XKR4: variants seen among roughly 807,000 people sequenced by gnomAD.
XKR4 encodes the protein XK related 4.
Under a neutral mutation model 53.9 loss-of-function variants are expected in XKR4, and 12 were observed. The ratio of observed to expected loss-of-function variants is 0.22; its 90% CI spans 0.14 to 0.36. XKR4 has a LOEUF of 0.36. Ranked by LOEUF, XKR4 falls within the 10% of genes least tolerant of loss-of-function variation. The pLI is 1.00. For missense variants in XKR4, 799 were observed against 859.5 expected (o/e 0.93, Z 0.88); for synonymous variants, 354 against 362.4 (o/e 0.98, Z 0.26).
rs574144790 is a variant in XKR4, at chr8:55,535,411, G to A, written c.*11184G>A. 9.5e-5 allele frequency: 12 copies of A among 126,772 alleles called. No homozygotes were observed. In the Admixed American group the frequency reaches 1.0e-3, roughly 11 times the overall value. The allele number at this position is 126,772 out of a possible 1,614,324, so 7.9% of individuals were successfully genotyped here. On this transcript the variant is annotated 3_prime_UTR_variant, in exon 3 of 3. Transcript: ENST00000327381. ...CCCACAACACTCCCCGGTGTGTGAT[G>A]TTCCCCTTCCTGTGCACGTGACTTA... is the stretch of plus-strand genomic sequence containing the variant.
intron 2 of XKR4, among the ~76,000 whole-genome samples, chr8:55,377,626 GAGA>G (rs1289587796): frequency 2.0e-5 from 3 of 152,128 alleles, no homozygotes; most frequent in Admixed American, 1.3e-4. Flanking sequence ...AAGGAAAGGA[GAGA>G]AGGAGGAAGG....
chr8:55,210,238 C>T (rs922039963), intron 1 of XKR4, among the ~76,000 whole-genome samples: 1 of 152,072 alleles, frequency 6.6e-6, no homozygotes, highest in Non-Finnish European at 1.5e-5. Flanking sequence ...GTGCTCGCCA[C>T]CACGCCTGGC....
At chr8:55,155,565 A>G (rs1816895782) in intron 1 of XKR4, among the ~76,000 whole-genome samples, 3 of 151,594 alleles carry the variant, frequency 2.0e-5, no homozygotes, top group Non-Finnish European at 4.4e-5. Flanking sequence ...AAAAAAAAAA[A>G]AGAAGTCGAG....
intron 2 of XKR4, among the ~76,000 whole-genome samples, chr8:55,518,269 G>A (rs923498987): frequency 6.6e-6 from 1 of 152,108 alleles, no homozygotes; most frequent in African/African-American, 2.4e-5. Flanking sequence ...AACTGAAATT[G>A]CAAAGAAGCA....
chr8:55,260,377 G>A (rs1818506494), intron 1 of XKR4, among the ~76,000 whole-genome samples: 1 of 152,126 alleles, frequency 6.6e-6, no homozygotes, highest in Non-Finnish European at 1.5e-5. Context: ...TGCCCTAGAG[G>A]TATTGAATTG....
intron 1 of XKR4, among the ~76,000 whole-genome samples, chr8:55,221,417 A>C (rs1817879092): frequency 1.3e-5 from 2 of 152,100 alleles, no homozygotes; most frequent in Non-Finnish European, 2.9e-5. Context: ...CACAGGCTTC[A>C]TTTGCTCTCC....
intron 2 of XKR4, among the ~76,000 whole-genome samples, chr8:55,469,216 A>G (rs978939181): frequency 3.3e-5 from 5 of 152,170 alleles, no homozygotes; most frequent in Admixed American, 6.5e-5. Flanking sequence ...TATCTTCTTC[A>G]ACTTTCCTGA....
chr8:55,327,388 T>G (rs1027513161), intron 1 of XKR4, among the ~76,000 whole-genome samples: 6 of 152,140 alleles, frequency 3.9e-5, no homozygotes, highest in Non-Finnish European at 7.4e-5. Context: ...GATGGCATCT[T>G]TTATGCTATC....
At chr8:55,322,355 C>A (rs1055993676) in intron 1 of XKR4, among the ~76,000 whole-genome samples, 3 of 152,136 alleles carry the variant, frequency 2.0e-5, no homozygotes, top group Non-Finnish European at 4.4e-5. Context: ...AATGTGTCAT[C>A]ATTATGATTT....
chr8:55,270,834 A>G (rs1260964668), intron 1 of XKR4, among the ~76,000 whole-genome samples: 1 of 152,210 alleles, frequency 6.6e-6, no homozygotes, highest in Non-Finnish European at 1.5e-5. Flanking sequence ...TACTCTGCAC[A>G]TGGCTATCTC....
At chr8:55,250,220 G>A (rs1358678691) in intron 1 of XKR4, among the ~76,000 whole-genome samples, 1 of 152,154 alleles carries the variant, frequency 6.6e-6, no homozygotes, top group African/African-American at 2.4e-5. Flanking sequence ...ATAGCTTTAA[G>A]TGAATCTAAG....
rs891680683 is a variant in XKR4 at position 55,537,202 on chromosome 8, T to C, written c.*12975T>C. On this transcript the variant is annotated 3_prime_UTR_variant, in exon 3 of 3. Transcript: ENST00000327381. ...CCACAAACATGGGAATATTTAGTGA[T>C]ATCTTTGTAGTCATCGTTAAAATTC... The C allele has an allele frequency of 4.6e-5, 7 of 152,252 alleles. No homozygotes were observed. The highest frequency in any genetic ancestry group is 4.1e-4 in the South Asian group (2 of 4,830). The allele number at this position is 152,252 out of a possible 1,614,324, so 9.4% of individuals were successfully genotyped here. A position where few individuals can be genotyped will look rare whatever the true frequency, so the allele number is the denominator to read the frequency against.
intron 2 of XKR4, among the ~76,000 whole-genome samples, chr8:55,442,512 C>T (rs1231232262): frequency 2.0e-5 from 3 of 152,160 alleles, no homozygotes; most frequent in Non-Finnish European, 2.9e-5. Flanking sequence ...TGAACACATA[C>T]GTTTCAGAAA....
At chr8:55,501,903 A>G (rs1315788973) in intron 2 of XKR4, among the ~76,000 whole-genome samples, 1 of 152,144 alleles carries the variant, frequency 6.6e-6, no homozygotes, top group Non-Finnish European at 1.5e-5. Context: ...AGAATCCACA[A>G]ACGCTCAAGT....
intron 2 of XKR4, among the ~76,000 whole-genome samples, chr8:55,445,225 T>C (rs1472249267): frequency 6.6e-6 from 1 of 151,860 alleles, no homozygotes; most frequent in African/African-American, 2.4e-5. Flanking sequence ...ACCTGGCTAA[T>C]TTTTTGTATT....
At chr8:55,382,205 A>G (rs1383261357) in intron 2 of XKR4, among the ~76,000 whole-genome samples, 2 of 152,230 alleles carry the variant, frequency 1.3e-5, no homozygotes, top group Non-Finnish European at 2.9e-5. Flanking sequence ...AGAAGAACTT[A>G]AACTATGACT....
At chr8:55,163,992 C>T in intron 1 of XKR4, 1 of 309,948 alleles carries the variant, frequency 3.2e-6, no homozygotes, top group Non-Finnish European at 6.5e-6. Context: ...CGTGCATATG[C>T]TAGCATGGAA....
At position 55,538,274 on chromosome 8, in the gene XKR4, A is replaced by G. The variant is rs1807058288; in HGVS notation, c.*14047A>G. On this transcript the variant is annotated 3_prime_UTR_variant, in exon 3 of 3. Transcript: ENST00000327381. ...GCCTCATTTTCCCCATATGCAAAAG[A>G]GAGATATTTATTTACCTACCTCATA... 1 of 152,162 alleles carries G rather than the reference A, an allele frequency of 6.6e-6. No homozygotes were observed. The highest frequency in any genetic ancestry group is 2.4e-5 in the African/African-American group (1 of 41,430). 9.4% of individuals were successfully genotyped at this position (152,162 alleles called of 1,614,324 possible). A position where few individuals can be genotyped will look rare whatever the true frequency, so the allele number is the denominator to read the frequency against.
chr8:55,345,959 G>A lies in XKR4; in HGVS notation c.807-11719G>A, dbSNP rs183518756. Reference sequence around the variant, plus strand: ...CTGCATCATTTCACTTATATCCAGAGAAGATATCTAGAGTAGTCAAATCCC... The same window carrying A: ...CTGCATCATTTCACTTATATCCAGAAAAGATATCTAGAGTAGTCAAATCCC... On this transcript the variant is annotated intron_variant, in intron 1 of 2. Transcript: ENST00000327381. Among the ~76,000 whole-genome samples the A allele has an allele frequency of 5.3e-5, 8 of 152,174 alleles. No homozygotes were observed. The East Asian group carries it at 1.5e-3, about 29-fold the overall frequency.
Sources: gnomAD v4.1 joint callset for allele counts (sites outside exome capture counted in the v4.1 genomes callset) on GRCh38, gnomAD v4.1.1 for gene constraint, MANE v1.5 for transcripts, NCBI Gene and HGNC (gene_info 2026-07-23, HGNC 2026-07-21) for gene names.